The following ABHD12 variants were observed in gnomAD, a reference collection of about 807,000 sequenced individuals.
The protein encoded by ABHD12 is abhydrolase domain containing 12, lysophospholipase, also known as lysophosphatidylserine lipase ABHD12.
Under a neutral mutation model 58.3 loss-of-function variants are expected in ABHD12, and 43 were observed. The ratio of observed to expected loss-of-function variants is 0.74; its 90% CI spans 0.58 to 0.95. ABHD12 has a LOEUF of 0.95. Among genes scored for constraint, ABHD12 ranks in the 40% least tolerant of loss-of-function variants. The probability of loss-of-function intolerance (pLI) is 0.00; values close to 1 mark genes in which losing one functional copy is unlikely to be tolerated. For synonymous variants in ABHD12, 219 were observed against 211.2 expected, an observed-to-expected ratio of 1.04 and a Z score of -0.32; for missense variants, 539 against 537.2, an observed-to-expected ratio of 1.00 and a Z score of -0.03.
chr20:25,367,968 C>T (rs1478608213), intron 1 of ABHD12, among the ~76,000 whole-genome samples: 1 of 152,224 alleles, frequency 6.6e-6, no homozygotes, highest in Non-Finnish European at 1.5e-5. Flanking sequence ...TTTAAAGAGA[C>T]AGCCATATTG....
At chr20:25,379,216 A>G (rs2089994388) in intron 1 of ABHD12, among the ~76,000 whole-genome samples, 1 of 152,222 alleles carries the variant, frequency 6.6e-6, no homozygotes, top group African/African-American at 2.4e-5. Context: ...CCACAGATAC[A>G]CAGCAGGTCG....
chr20:25,302,718 G>A (rs1018411700), intron 11 of ABHD12, among the ~76,000 whole-genome samples: 9 of 152,226 alleles, frequency 5.9e-5, no homozygotes, highest in African/African-American at 1.9e-4. Context: ...TGGGCTTGAT[G>A]TACCCATCTC....
chr20:25,364,732 A>G (rs1213050320), intron 1 of ABHD12, among the ~76,000 whole-genome samples: 1 of 152,246 alleles, frequency 6.6e-6, no homozygotes, highest in Non-Finnish European at 1.5e-5. Flanking sequence ...TGCAAATTAA[A>G]CCATGAGGTT....
downstream of ABHD12, among the ~76,000 whole-genome samples, chr20:25,299,575 G>A (rs544571122): frequency 5.7e-4 from 87 of 152,230 alleles, no homozygotes; most frequent in African/African-American, 1.9e-3. Context: ...GAGCTGAAGT[G>A]TGCGACGAGG....
chr20:25,295,520 C>T, downstream of ABHD12: 4 of 1,461,192 alleles, frequency 2.7e-6, no homozygotes, highest in Non-Finnish European at 3.8e-6. Context: ...TGGTGCCTGG[C>T]CTCCTGCCCT....
At chr20:25,296,563 T>C (rs776621848), downstream of ABHD12, 2 of 1,578,666 alleles carry the variant, frequency 1.3e-6, no homozygotes, top group Admixed American at 3.5e-5. Flanking sequence ...ATTTGTTTTC[T>C]TGCTGACTTT....
At chr20:25,313,273 A>G (rs1453343521) in intron 6 of ABHD12, among the ~76,000 whole-genome samples, 1 of 152,310 alleles carries the variant, frequency 6.6e-6, no homozygotes, top group African/African-American at 2.4e-5. Flanking sequence ...CTGTTGATCT[A>G]TGACCTTACC....
intron 1 of ABHD12, among the ~76,000 whole-genome samples, chr20:25,386,931 A>G (rs774284315): frequency 1.3e-5 from 2 of 152,188 alleles, no homozygotes; most frequent in Non-Finnish European, 2.9e-5. Flanking sequence ...GCTATACAAT[A>G]AGAGAGTTTA....
At chr20:25,373,892 G>C (rs1172523129) in intron 1 of ABHD12, among the ~76,000 whole-genome samples, 2 of 151,910 alleles carry the variant, frequency 1.3e-5, no homozygotes, top group African/African-American at 2.4e-5. Flanking sequence ...CAGTATAATA[G>C]GCTACCTGAA....
At chr20:25,326,322 C>T (rs919724043) in intron 2 of ABHD12, among the ~76,000 whole-genome samples, 1 of 152,150 alleles carries the variant, frequency 6.6e-6, no homozygotes, top group Non-Finnish European at 1.5e-5. Flanking sequence ...ATTCAAAGGA[C>T]TTATAGCGCC....
intron 1 of ABHD12, among the ~76,000 whole-genome samples, chr20:25,383,099 T>C (rs1224714190): frequency 6.6e-6 from 1 of 152,062 alleles, no homozygotes; most frequent in Non-Finnish European, 1.5e-5. Flanking sequence ...ATCTTCCTAA[T>C]CTGTAAAGAA....
intron 2 of ABHD12, among the ~76,000 whole-genome samples, chr20:25,335,751 G>A (rs186578692): frequency 0.013 from 1,974 of 146,600 alleles, 22 homozygotes; most frequent in Middle Eastern, 0.029. Context: ...GGTGGGAATC[G>A]AACAATGAGA....
At chr20:25,311,527 G>A (rs781067619) in intron 6 of ABHD12, among the ~76,000 whole-genome samples, 5 of 152,194 alleles carry the variant, frequency 3.3e-5, no homozygotes, top group Non-Finnish European at 5.9e-5. Flanking sequence ...TGTTATAGCA[G>A]CAAGAGAGAA....
chr20:25,322,849 A>G (rs914724320), intron 3 of ABHD12, among the ~76,000 whole-genome samples: 2 of 151,838 alleles, frequency 1.3e-5, no homozygotes, highest in African/African-American at 2.4e-5. Context: ...CAGCCTCCCA[A>G]GTAGCTGGGA....
intron 1 of ABHD12, among the ~76,000 whole-genome samples, chr20:25,385,615 GT>G (rs2090078696): frequency 6.6e-6 from 1 of 152,022 alleles, no homozygotes; most frequent in Admixed American, 6.6e-5. Context: ...GGGGACAGAG[GT>G]GGAAGGACTG....
intron 1 of ABHD12, among the ~76,000 whole-genome samples, chr20:25,344,686 C>A (rs1033703107): frequency 6.6e-6 from 1 of 152,070 alleles, no homozygotes; most frequent in African/African-American, 2.4e-5. Flanking sequence ...TATGGAAAGG[C>A]AAAAGACTCA....
intron 1 of ABHD12, among the ~76,000 whole-genome samples, chr20:25,382,414 C>CT (rs2090032682): frequency 6.6e-6 from 1 of 152,116 alleles, no homozygotes. Context: ...GACCAAAGTC[C>CT]TGTGGCGTCA....
chr20:25,341,763 T>G (rs141672573), intron 1 of ABHD12, among the ~76,000 whole-genome samples: 1 of 152,082 alleles, frequency 6.6e-6, no homozygotes, highest in Non-Finnish European at 1.5e-5. Context: ...CTGGGTATAA[T>G]GTGAGAGGCG....
At position 25,326,292 on chromosome 20, in the gene ABHD12, T is replaced by C. The variant is rs146353754; in HGVS notation, c.317-2862A>G. 1.8e-4 allele frequency among the ~76,000 whole-genome samples: 27 copies of C among 152,290 alleles called. No homozygotes were observed. In the East Asian group the frequency reaches 3.1e-3, roughly 17 times the overall value. On this transcript the variant is annotated intron_variant, in intron 2 of 12. Coordinates refer to ENST00000339157, the MANE Select transcript of ABHD12 (RefSeq NM_001042472.3). ...TATTTTACCAAGGCTTTGACTGGAATGGCCTGCTTTCCTTTAAGGATTCAA... is the reference window on the plus strand; with the variant it reads ...TATTTTACCAAGGCTTTGACTGGAACGGCCTGCTTTCCTTTAAGGATTCAA...
Sources: gnomAD v4.1 joint callset for allele counts (sites outside exome capture counted in the v4.1 genomes callset) on GRCh38, gnomAD v4.1.1 for gene constraint, MANE v1.5 for transcripts, NCBI Gene and HGNC (gene_info 2026-07-23, HGNC 2026-07-21) for gene names.